NALF1: variants seen among roughly 807,000 people sequenced by gnomAD.
The protein encoded by NALF1 is NALCN channel auxiliary factor 1.
A neutral mutation model predicts 48.4 loss-of-function variants in NALF1; 3 were observed. The ratio of observed to expected loss-of-function variants is 0.06; its 90% CI spans 0.03 to 0.16. NALF1 has a LOEUF of 0.16. Among genes scored for constraint, NALF1 ranks in the 10% least tolerant of loss-of-function variants. The pLI, the probability that NALF1 is intolerant of heterozygous loss-of-function variation, is 1.00. For missense variants in NALF1, 526 were observed against 571.5 expected (o/e 0.92, Z 0.81); for synonymous variants, 262 against 245.7 (o/e 1.07, Z -0.62).
chr13:107,316,340 T>C (rs1882149506), intron 1 of NALF1, among the ~76,000 whole-genome samples: 1 of 143,350 alleles, frequency 7.0e-6, no homozygotes, highest in Non-Finnish European at 1.5e-5. Context: ...CTATTGTGAA[T>C]AGTGCCGCAA....
At chr13:107,209,728 T>C (rs773981066) in intron 2 of NALF1, among the ~76,000 whole-genome samples, 1 of 152,190 alleles carries the variant, frequency 6.6e-6, no homozygotes, top group South Asian at 2.1e-4. Context: ...TCTCTACACA[T>C]ATGATGGTGT....
At chr13:107,224,665 T>G (rs2138818735) in intron 1 of NALF1, among the ~76,000 whole-genome samples, 1 of 152,232 alleles carries the variant, frequency 6.6e-6, no homozygotes, top group Middle Eastern at 3.4e-3. Flanking sequence ...TAACAAATTA[T>G]TTTCATTCAA....
At chr13:107,555,733 G>A (rs563511181) in intron 1 of NALF1, among the ~76,000 whole-genome samples, 9 of 151,560 alleles carry the variant, frequency 5.9e-5, no homozygotes, top group East Asian at 5.8e-4. Flanking sequence ...ATCATTTATC[G>A]GTGTCATCAT....
At chr13:107,421,496 ATAATT>A (rs1357382707) in intron 1 of NALF1, among the ~76,000 whole-genome samples, 2 of 152,222 alleles carry the variant, frequency 1.3e-5, no homozygotes, top group African/African-American at 4.8e-5. Context: ...TATGCCAAGT[ATAATT>A]TATTTCATTA....
chr13:107,635,436 G>A (rs1879949827), intron 1 of NALF1, among the ~76,000 whole-genome samples: 1 of 53,332 alleles, frequency 1.9e-5, no homozygotes, highest in African/African-American at 4.3e-5. Context: ...CAACATAGGG[G>A]TAACCACCTC....
chr13:107,399,957 A>G lies in NALF1; in HGVS notation c.916-189202T>C, dbSNP rs189806249. Among the ~76,000 whole-genome samples, 446 of 152,300 alleles carry G rather than the reference A, an allele frequency of 2.9e-3. 1 individual carries two copies. Among genetic ancestry groups the G allele is most frequent in the African/African-American group, 0.01 (423 of 41,578 alleles). Reference sequence around the variant, plus strand: ...CATTTCATAATAATGCTCTTTTTAAAAGACCATAATGTTTCATTACAAACA... The same window carrying G: ...CATTTCATAATAATGCTCTTTTTAAGAGACCATAATGTTTCATTACAAACA... On this transcript the variant is annotated intron_variant, in intron 1 of 2. Transcript: ENST00000375915.
At chr13:107,732,646 C>A (rs147913154) in intron 1 of NALF1, among the ~76,000 whole-genome samples, 5,943 of 152,214 alleles carry the variant, frequency 0.039, 173 homozygotes, top group Middle Eastern at 0.082. Flanking sequence ...CATGAAAGTG[C>A]AAGCAGCTTC....
At position 107,402,222 on chromosome 13, in the gene NALF1, C is replaced by A. The variant is rs73590792; in HGVS notation, c.916-191467G>T. Among the ~76,000 whole-genome samples, 30 of 152,318 alleles carry A rather than the reference C, an allele frequency of 2.0e-4. 1 individual carries two copies. The East Asian group carries it at 4.4e-3, about 23-fold the overall frequency. On this transcript the variant is annotated intron_variant, in intron 1 of 2. Transcript: ENST00000375915. Reference sequence around the variant, plus strand: ...GGCTTCGATAAATCAATCAGCCATGCGGAAGAGGTCCGCATATTCAGGATC... The same window carrying A: ...GGCTTCGATAAATCAATCAGCCATGAGGAAGAGGTCCGCATATTCAGGATC...
In NALF1 at chr13:107,165,055, A is replaced by C. The variant is rs1878631164; in HGVS notation, c.*5442T>G. On this transcript the variant is annotated 3_prime_UTR_variant, in exon 3 of 3. Coordinates refer to ENST00000375915, the MANE Select transcript of NALF1 (RefSeq NM_001080396.3). ...TCATTGACCTCCCTGTGTCACCTGGAGCCAAAGCTCATCCCTAAACCATGG... is the reference window on the plus strand; with the variant it reads ...TCATTGACCTCCCTGTGTCACCTGGCGCCAAAGCTCATCCCTAAACCATGG... 1 of 152,202 alleles carries C rather than the reference A, an allele frequency of 6.6e-6. No individual in the cohort carries two copies. The highest frequency in any genetic ancestry group is 2.4e-5 in the African/African-American group (1 of 41,442). 9.4% of individuals were successfully genotyped at this position (152,202 alleles called of 1,614,324 possible).
intron 1 of NALF1, among the ~76,000 whole-genome samples, chr13:107,654,388 A>G (rs979314484): frequency 2.6e-5 from 4 of 152,170 alleles, no homozygotes; most frequent in African/African-American, 9.6e-5. Flanking sequence ...GCACAGTAGA[A>G]AACCTAGAGG....
In NALF1 at chr13:107,865,869, G is replaced by A. The variant is rs1880698772; in HGVS notation, c.728C>T (p.Thr243Ile). ...CACCACATCCAGACTGCAGTTCAAAGTGTTGGGACTGGACAACCCCGAGAA... is the reference window on the plus strand; with the variant it reads ...CACCACATCCAGACTGCAGTTCAAAATGTTGGGACTGGACAACCCCGAGAA... ...ELFSGLSSPN[T>I]LNCSLDVVLK... The change falls in exon 1 of 3, where the codon ACT becomes ATT. Residue 243 changes from threonine (T) to isoleucine (I), a missense_variant. Thr to Ile is a moderately conservative substitution (Grantham distance 89). This residue lies in a region of NALF1 where 373 missense variants were observed against 355.5 expected (regional missense o/e 1.05). Transcript: ENST00000375915. 1.2e-6 allele frequency: 2 copies of A among 1,613,992 alleles called. No individual in the cohort carries two copies. The highest frequency in any genetic ancestry group is 1.3e-5 in the African/African-American group (1 of 74,896).
chr13:107,602,584 A>G (rs1489311315), intron 1 of NALF1, among the ~76,000 whole-genome samples: 1 of 152,178 alleles, frequency 6.6e-6, no homozygotes, highest in Non-Finnish European at 1.5e-5. Flanking sequence ...GCTTATTAAT[A>G]TTTTCCTATT....
chr13:107,352,722 G>A (rs932757167), intron 1 of NALF1, among the ~76,000 whole-genome samples: 2 of 152,116 alleles, frequency 1.3e-5, no homozygotes, highest in Middle Eastern at 3.2e-3. Context: ...TCAAACACTG[G>A]CATTTTGACA....
At chr13:107,739,821 C>T (rs546559709) in intron 1 of NALF1, among the ~76,000 whole-genome samples, 63 of 152,200 alleles carry the variant, frequency 4.1e-4, no homozygotes, top group African/African-American at 1.4e-3. Context: ...GCATCGGTGG[C>T]AGCATCAGAT....
intron 1 of NALF1, among the ~76,000 whole-genome samples, chr13:107,497,247 T>A (rs894049061): frequency 2.6e-4 from 40 of 152,200 alleles, no homozygotes; most frequent in Admixed American, 2.4e-3. Context: ...ATTTTTGAGA[T>A]ATATAATTTT....
chr13:107,556,350 TAG>T (rs778915739), intron 1 of NALF1, among the ~76,000 whole-genome samples: 13,020 of 146,564 alleles, frequency 0.089, 855 homozygotes, highest in Admixed American at 0.17. Flanking sequence ...TATATATATA[TAG>T]AGAGAGAGAG....
intron 1 of NALF1, among the ~76,000 whole-genome samples, chr13:107,433,562 A>C (rs1038265285): frequency 5.3e-5 from 8 of 152,064 alleles, no homozygotes; most frequent in African/African-American, 1.9e-4. Flanking sequence ...GTACCCTAAA[A>C]CTTAAGGTGT....
chr13:107,428,916 TCA>T (rs1884327788), intron 1 of NALF1, among the ~76,000 whole-genome samples: 1 of 152,206 alleles, frequency 6.6e-6, no homozygotes, highest in Non-Finnish European at 1.5e-5. Context: ...CAGTCAAAGG[TCA>T]ATTCTTCAGT....
intron 1 of NALF1, among the ~76,000 whole-genome samples, chr13:107,632,935 G>A (rs1879872358): frequency 6.8e-6 from 1 of 148,032 alleles, no homozygotes; most frequent in Non-Finnish European, 1.5e-5. Context: ...GAATGGCAAG[G>A]TGTGTGGATT....
Sources: allele counts gnomAD v4.1 joint callset (sites outside exome capture counted in the v4.1 genomes callset), GRCh38; gene constraint gnomAD v4.1.1; regional missense constraint gnomAD v4.1.1; transcripts MANE v1.5; gene names NCBI Gene and HGNC (gene_info 2026-07-23, HGNC 2026-07-21).